The following SPMAP2L variants were observed in gnomAD, a reference collection of about 807,000 sequenced individuals.
The protein encoded by SPMAP2L is sperm microtubule associated protein 2 like.
the SPMAP2L span, among the ~76,000 whole-genome samples, chr4:56,576,984 T>A: frequency 6.6e-6 from 1 of 152,236 alleles, no homozygotes; most frequent in Non-Finnish European, 1.5e-5. Flanking sequence ...AGCTCTTTAT[T>A]ATGAACATCA....
the SPMAP2L span, among the ~76,000 whole-genome samples, chr4:56,569,660 A>C: frequency 6.6e-6 from 1 of 152,124 alleles, no homozygotes; most frequent in African/African-American, 2.4e-5. Context: ...AAATACAATT[A>C]GCTGGGTATG....
the SPMAP2L span, chr4:56,584,452 C>A: frequency 1.6e-6 from 2 of 1,269,790 alleles, no homozygotes; most frequent in Non-Finnish European, 2.2e-6. Flanking sequence ...GTTGTTGTTT[C>A]TCCATCCAAC....
the SPMAP2L span, among the ~76,000 whole-genome samples, chr4:56,618,618 C>G: frequency 6.6e-6 from 1 of 152,200 alleles, no homozygotes. Flanking sequence ...ATCACAAGAA[C>G]AGCATGAAGG....
the SPMAP2L span, among the ~76,000 whole-genome samples, chr4:56,618,767 A>T: frequency 6.6e-6 from 1 of 152,214 alleles, no homozygotes; most frequent in Non-Finnish European, 1.5e-5. Flanking sequence ...GATTTTATAG[A>T]ACGGAACTTG....
the SPMAP2L span, among the ~76,000 whole-genome samples, chr4:56,577,984 G>T: frequency 1.3e-5 from 2 of 151,874 alleles, no homozygotes; most frequent in African/African-American, 2.4e-5. Flanking sequence ...TCCCAAAAAG[G>T]CAAAGACATT....
At chr4:56,569,863 C>T in the SPMAP2L span, among the ~76,000 whole-genome samples, 10 of 152,132 alleles carry the variant, frequency 6.6e-5, no homozygotes, top group African/African-American at 1.7e-4. Context: ...ACTATCATGC[C>T]GGGAAGTGGA....
At chr4:56,550,744 T>A in the SPMAP2L span, among the ~76,000 whole-genome samples, 1 of 152,188 alleles carries the variant, frequency 6.6e-6, no homozygotes, top group Non-Finnish European at 1.5e-5. Context: ...GGGGTCATCA[T>A]GTAAGGAAAT....
the SPMAP2L span, among the ~76,000 whole-genome samples, chr4:56,613,066 C>G: frequency 6.6e-6 from 1 of 152,118 alleles, no homozygotes; most frequent in Non-Finnish European, 1.5e-5. Context: ...CCTTTGTTCT[C>G]CCTTATATAA....
At chr4:56,614,827 A>G in the SPMAP2L span, among the ~76,000 whole-genome samples, 1 of 152,258 alleles carries the variant, frequency 6.6e-6, no homozygotes, top group South Asian at 2.1e-4. Context: ...GCTAACACAT[A>G]AAAATTCCAC....
chr4:56,592,630 G>A, the SPMAP2L span, among the ~76,000 whole-genome samples: 3 of 152,284 alleles, frequency 2.0e-5, no homozygotes, highest in South Asian at 4.1e-4. Flanking sequence ...ACCCTTGCGG[G>A]CCGGGGCAGG....
chr4:56,545,122 TG>T, the SPMAP2L span, among the ~76,000 whole-genome samples: 2 of 152,194 alleles, frequency 1.3e-5, no homozygotes, highest in Non-Finnish European at 2.9e-5. Context: ...AAGAAATACA[TG>T]GTGATGAAGC....
chr4:56,621,247 A>C, the SPMAP2L span, among the ~76,000 whole-genome samples: 1 of 152,206 alleles, frequency 6.6e-6, no homozygotes, highest in Non-Finnish European at 1.5e-5. Context: ...ACATGAAAGC[A>C]AAAATGTGCT....
chr4:56,550,200 C>T, the SPMAP2L span, among the ~76,000 whole-genome samples: 1 of 152,018 alleles, frequency 6.6e-6, no homozygotes, highest in Non-Finnish European at 1.5e-5. Flanking sequence ...GTTGCCCAGG[C>T]TGGTCCCAAA....
At chr4:56,547,876 T>C in the SPMAP2L span, among the ~76,000 whole-genome samples, 2 of 152,194 alleles carry the variant, frequency 1.3e-5, no homozygotes, top group Non-Finnish European at 2.9e-5. Context: ...AGATTTTTCA[T>C]TAGCTTAACC....
At chr4:56,609,138 C>T in the SPMAP2L span, among the ~76,000 whole-genome samples, 1 of 150,354 alleles carries the variant, frequency 6.7e-6, no homozygotes, top group African/African-American at 2.5e-5. Flanking sequence ...CAACCTCTGC[C>T]TCCCGGGTTC....
At chr4:56,597,596 A>G in the SPMAP2L span, among the ~76,000 whole-genome samples, 1 of 152,242 alleles carries the variant, frequency 6.6e-6, no homozygotes, top group Non-Finnish European at 1.5e-5. Context: ...TAAGTTTACT[A>G]AAGTGACTTG....
chr4:56,611,458 C>T, the SPMAP2L span, among the ~76,000 whole-genome samples: 1 of 152,100 alleles, frequency 6.6e-6, no homozygotes, highest in Non-Finnish European at 1.5e-5. Context: ...GGATAAAAGA[C>T]TACAAATCAG....
chr4:56,603,210 G>A, the SPMAP2L span: 3 of 1,513,252 alleles, frequency 2.0e-6, no homozygotes, highest in Non-Finnish European at 2.6e-6. Flanking sequence ...CTATTTCAGG[G>A]CTCCTGTGCG....
the SPMAP2L span, among the ~76,000 whole-genome samples, chr4:56,541,438 T>C: frequency 6.6e-6 from 1 of 152,244 alleles, no homozygotes; most frequent in South Asian, 2.1e-4. Context: ...GAGTCATTTT[T>C]TGAGTAATTT....
Sources: gnomAD v4.1 joint callset for allele counts (sites outside exome capture counted in the v4.1 genomes callset) on GRCh38, gnomAD v4.1.1 for gene constraint, MANE v1.5 for transcripts, NCBI Gene and HGNC (gene_info 2026-07-23, HGNC 2026-07-21) for gene names.